Variants in MCM5 observed in about 807,000 individuals in gnomAD.
MCM5 encodes minichromosome maintenance complex component 5.
Under a neutral mutation model 79.9 loss-of-function variants are expected in MCM5, and 46 were observed. The ratio of observed to expected loss-of-function variants is 0.58; its 90% CI spans 0.45 to 0.74. The LOEUF (loss-of-function observed/expected upper bound fraction) is 0.74, where lower values mean the gene tolerates loss of function less well. MCM5 is among the 30% of genes least tolerant of loss of function. The pLI, the probability that MCM5 is intolerant of heterozygous loss-of-function variation, is 0.00. For synonymous variants in MCM5, 404 were observed against 390.5 expected (o/e 1.03, Z -0.41); for missense variants, 883 against 1,017.0 (o/e 0.87, Z 1.79).
Position 35,423,217 on chromosome 22 carries a change from T to G in MCM5, c.1979T>G (p.Val660Gly), listed in dbSNP as rs770902895. ...DAALSGTLSG[V>G]EGFTSQEDQE... ...CCTCACTTCTCCATGCCCACAGGGG[T>G]GGAGGGCTTCACCAGCCAGGAGGAC... is the stretch of plus-strand genomic sequence containing the variant. Residue 660 changes from valine to glycine, a missense_variant, in exon 16 of 17, where the codon GTG (valine) becomes GGG (glycine). This residue lies in a region of MCM5 where 426 missense variants were observed against 482.3 expected (regional missense o/e 0.88). Coordinates refer to ENST00000216122, the MANE Select transcript of MCM5 (RefSeq NM_006739.4). 2.7e-5 allele frequency: 43 copies of G among 1,581,186 alleles called. No individual in the cohort carries two copies. The South Asian group carries it at 4.7e-4, about 17-fold the overall frequency.
the MCM5 span, among the ~76,000 whole-genome samples, chr22:35,442,552 A>G: frequency 6.6e-6 from 1 of 152,124 alleles, no homozygotes; most frequent in Non-Finnish European, 1.5e-5. Context: ...CGCCTTTGCC[A>G]GCTTCCAGAG....
At chr22:35,441,864 G>A in the MCM5 span, among the ~76,000 whole-genome samples, 1 of 152,100 alleles carries the variant, frequency 6.6e-6, no homozygotes, top group South Asian at 2.1e-4. Flanking sequence ...AGGCCAGGAC[G>A]AGTTGGCATG....
At chr22:35,418,537 A>G (rs1329532981) in intron 13 of MCM5, among the ~76,000 whole-genome samples, 14 of 151,962 alleles carry the variant, frequency 9.2e-5, no homozygotes, top group Admixed American at 4.6e-4. Context: ...GTGCACACCT[A>G]TAGTCCCAGC....
chr22:35,404,010 C>T (rs1054005920), intron 4 of MCM5, among the ~76,000 whole-genome samples: 5 of 151,978 alleles, frequency 3.3e-5, no homozygotes, highest in Non-Finnish European at 7.4e-5. Context: ...ACTTGGAAGG[C>T]TGAAGTGGGA....
chr22:35,438,856 TATCCATCCATCC>T, the MCM5 span, among the ~76,000 whole-genome samples: 20 of 109,608 alleles, frequency 1.8e-4, no homozygotes, highest in Admixed American at 7.2e-4. Context: ...TCCACCCACA[TATCCATCCATCC>T]ATCCATCCAT....
intron 13 of MCM5, among the ~76,000 whole-genome samples, chr22:35,418,356 A>G (rs947965997): frequency 6.6e-6 from 1 of 152,150 alleles, no homozygotes. Flanking sequence ...ATTTTCAATA[A>G]TAATAATTAT....
chr22:35,424,498 A>G lies in MCM5; in HGVS notation c.*243A>G, dbSNP rs1008935095. On this transcript the variant is annotated 3_prime_UTR_variant, in exon 17 of 17. Coordinates refer to ENST00000216122, the MANE Select transcript of MCM5 (RefSeq NM_006739.4). Reference sequence around the variant, plus strand: ...TTAATAATAAAGCCACGGTGTGTTCAGGTATCTGTGGGTTTGTGCACTCGG... The same window carrying G: ...TTAATAATAAAGCCACGGTGTGTTCGGGTATCTGTGGGTTTGTGCACTCGG... 18 of 424,734 alleles carry G rather than the reference A, an allele frequency of 4.2e-5. No homozygotes were observed. Among genetic ancestry groups the G allele is most frequent in the Non-Finnish European group, 7.2e-5 (17 of 237,712 alleles). 26.3% of individuals were successfully genotyped at this position (424,734 alleles called of 1,614,324 possible).
chr22:35,426,777 G>T (rs1293428557), downstream of MCM5, among the ~76,000 whole-genome samples: 4 of 152,132 alleles, frequency 2.6e-5, no homozygotes. Context: ...TGCCATCTCG[G>T]ATTTCACCTT....
At position 35,410,822 on chromosome 22, in the gene MCM5, T is replaced by C. The variant is rs133417; in HGVS notation, c.831T>C (p.Thr277=). 0.057 allele frequency: 91,910 copies of C among 1,613,964 alleles called. 4,078 individuals carry two copies. The highest frequency in any genetic ancestry group is 0.22 in the African/African-American group (16,115 of 74,950). ...ACTCCATCAAGAAGTTTGGCCTGAC[T>C]ACCAGCAGGGGCCGTGACAGGGTGG... ...GIYSIKKFGL[T]TSRGRDRVGV... Residue 277 remains threonine, a synonymous_variant, in exon 7 of 17, where the codon ACT becomes ACC. Coordinates refer to ENST00000216122, the MANE Select transcript of MCM5 (RefSeq NM_006739.4).
intron 13 of MCM5, among the ~76,000 whole-genome samples, chr22:35,418,228 A>G (rs974405375): frequency 4.6e-5 from 7 of 152,146 alleles, no homozygotes; most frequent in African/African-American, 1.4e-4. Context: ...CCCCAGGCCT[A>G]TCGATGTTTG....
intron 10 of MCM5, 132 bp from the exon 11 acceptor site, chr22:35,416,207 C>T: frequency 1.0e-6 from 1 of 982,688 alleles, no homozygotes; most frequent in Non-Finnish European, 1.6e-6. Context: ...TTAGAGGTGA[C>T]CTGGTTGCTG....
the MCM5 span, among the ~76,000 whole-genome samples, chr22:35,438,412 C>T: frequency 6.8e-6 from 1 of 147,818 alleles, no homozygotes; most frequent in Non-Finnish European, 1.5e-5. Flanking sequence ...CCCACATATT[C>T]ATCCATCCAT....
Position 35,403,601 on chromosome 22 carries a change from T to G in MCM5, c.423+59T>G, listed in dbSNP as rs1425553598. On this transcript the variant is annotated intron_variant, in intron 4 of 16. Transcript: ENST00000216122. Reference sequence around the variant, plus strand: ...AGAGGGCTTTGGATGCAGCCAGACCTGAGTGCTAGCTGTGTGGCCTTGAGT... The same window carrying G: ...AGAGGGCTTTGGATGCAGCCAGACCGGAGTGCTAGCTGTGTGGCCTTGAGT... 3.8e-6 allele frequency: 6 copies of G among 1,595,062 alleles called. No individual in the cohort carries two copies. The East Asian group carries it at 1.3e-4, about 36-fold the overall frequency.
rs759454036 is a variant in MCM5 at position 35,425,145 on chromosome 22, TG to T, written c.*891del. Reference sequence around the variant, plus strand: ...GTGACAGTGATGCTGGAGGAAGGAGTGTTGCCAAGTGCCTCGGTCACTTTGC... The same window carrying T: ...GTGACAGTGATGCTGGAGGAAGGAGTTTGCCAAGTGCCTCGGTCACTTTGC... On this transcript the variant is annotated 3_prime_UTR_variant, in exon 17 of 17. Coordinates refer to ENST00000216122, the MANE Select transcript of MCM5 (RefSeq NM_006739.4). The T allele has an allele frequency of 3.9e-4, 59 of 152,234 alleles. No homozygotes were observed. Among genetic ancestry groups the T allele is most frequent in the Non-Finnish European group, 6.8e-4 (46 of 68,010 alleles). 9.4% of individuals were successfully genotyped at this position (152,234 alleles called of 1,614,324 possible). A position where few individuals can be genotyped will look rare whatever the true frequency, so the allele number is the denominator to read the frequency against.
chr22:35,454,828 G>A, the MCM5 span, among the ~76,000 whole-genome samples: 1 of 152,094 alleles, frequency 6.6e-6, no homozygotes, highest in Non-Finnish European at 1.5e-5. Context: ...GTTGTAAGGG[G>A]CTTCCCTGTG....
chr22:35,402,153 C>T (rs898134478), intron 2 of MCM5, among the ~76,000 whole-genome samples: 10 of 151,988 alleles, frequency 6.6e-5, no homozygotes, highest in African/African-American at 1.9e-4. Flanking sequence ...CTTGTAATTC[C>T]GACGCTTTGG....
chr22:35,430,984 T>C, the MCM5 span, among the ~76,000 whole-genome samples: 1 of 152,282 alleles, frequency 6.6e-6, no homozygotes, highest in South Asian at 2.1e-4. Context: ...AGGAGAACAG[T>C]GTCCATGAGG....
intron 14 of MCM5, among the ~76,000 whole-genome samples, chr22:35,420,846 A>G (rs1932674575): frequency 6.6e-6 from 1 of 152,214 alleles, no homozygotes; most frequent in Non-Finnish European, 1.5e-5. Context: ...CTGGGGTTCC[A>G]AGCTAGGTGC....
At chr22:35,414,137 A>T in intron 9 of MCM5, 151 bp downstream of exon 9, 1 of 615,316 alleles carries the variant, frequency 1.6e-6, no homozygotes, top group Admixed American at 2.7e-5. Flanking sequence ...GGCCGAGGAG[A>T]TGGGAGGAAG....
Sources: allele counts gnomAD v4.1 joint callset (sites outside exome capture counted in the v4.1 genomes callset), GRCh38; gene constraint gnomAD v4.1.1; regional missense constraint gnomAD v4.1.1; transcripts MANE v1.5; gene names NCBI Gene and HGNC (gene_info 2026-07-23, HGNC 2026-07-21).